PFKFB2: variants seen among roughly 807,000 people sequenced by gnomAD.
PFKFB2 encodes the protein 6-phosphofructo-2-kinase/fructose-2,6-biphosphatase 2.
A neutral mutation model predicts 68.0 loss-of-function variants in PFKFB2; 53 were observed. The ratio of observed to expected loss-of-function variants is 0.78; its 90% confidence interval spans 0.63 to 0.98. PFKFB2 has a LOEUF of 0.98. Ranked by LOEUF, PFKFB2 falls within the 50% of genes least tolerant of loss-of-function variation. The pLI, the probability that PFKFB2 is intolerant of heterozygous loss-of-function variation, is 0.00. For synonymous variants in PFKFB2, 222 were observed against 227.6 expected (o/e 0.98, Z 0.22); for missense variants, 451 against 642.0 (o/e 0.70, Z 3.22).
chr1:207,061,085 CTT>C (rs1479449048), intron 2 of PFKFB2, among the ~76,000 whole-genome samples: 1 of 107,844 alleles, frequency 9.3e-6, no homozygotes, highest in Non-Finnish European at 1.7e-5. Context: ...CTTTATATAT[CTT>C]TATATATATC....
chr1:207,035,867 C>T (rs539804664), intron 1 of PFKFB2, among the ~76,000 whole-genome samples: 2 of 151,956 alleles, frequency 1.3e-5, no homozygotes, highest in African/African-American at 2.4e-5. Flanking sequence ...TGCTAACATG[C>T]GTACTCAGTA....
chr1:207,056,231 T>C (rs1369979319), intron 2 of PFKFB2, among the ~76,000 whole-genome samples: 4 of 152,130 alleles, frequency 2.6e-5, no homozygotes, highest in African/African-American at 9.7e-5. Flanking sequence ...GCCTGTTGTA[T>C]TTATTCCTGA....
chr1:207,050,897 G>A (rs1682729027), upstream of PFKFB2: 2 of 1,607,746 alleles, frequency 1.2e-6, no homozygotes, highest in African/African-American at 1.3e-5. Flanking sequence ...CCGCCACATC[G>A]TGTCGGTCCG....
Position 207,073,864 on chromosome 1 carries a change from A to G in PFKFB2, c.*1493A>G, listed in dbSNP as rs1224537035. The G allele has an allele frequency of 2.0e-6, 2 of 985,250 alleles. No homozygotes were observed. Among genetic ancestry groups the G allele is most frequent in the African/African-American group, 3.5e-5 (2 of 57,236 alleles). 61.0% of individuals were successfully genotyped at this position (985,250 alleles called of 1,614,324 possible). A position where few individuals can be genotyped will look rare whatever the true frequency, so the allele number is the denominator to read the frequency against. ...TCTGAGAGGCAAGTTTAGGGTTCTCATGGGATTTTAAAAAGAGATAGGTGA... is the reference window on the plus strand; with the variant it reads ...TCTGAGAGGCAAGTTTAGGGTTCTCGTGGGATTTTAAAAAGAGATAGGTGA... On this transcript the variant is annotated 3_prime_UTR_variant, in exon 15 of 15. Coordinates refer to ENST00000367080, the MANE Select transcript of PFKFB2 (RefSeq NM_006212.2).
At chr1:207,038,783 T>C (rs1421833945) in intron 1 of PFKFB2, among the ~76,000 whole-genome samples, 1 of 152,196 alleles carries the variant, frequency 6.6e-6, no homozygotes, top group Non-Finnish European at 1.5e-5. Flanking sequence ...TCATCACACT[T>C]ATGAACTACA....
In PFKFB2 at chr1:207,069,502, TATCTGTATCGATA is replaced by T; in HGVS notation, c.1067_1079del (p.Tyr356PhefsTer54). 6.2e-7 allele frequency: 1 copy of T among 1,613,072 alleles called. No homozygotes were observed. Among genetic ancestry groups the T allele is most frequent in the South Asian group, 1.1e-5 (1 of 91,048 alleles). ...GTTTGCACTTCGAGATCAAGAGAAG[TATCTGTATCGATA>T]TCCTGGTGGGGAGGTAAGACGCCCC... is the stretch of plus-strand genomic sequence containing the variant. On this transcript the variant is annotated frameshift_variant, in exon 11 of 15. Transcript: ENST00000367080. LOFTEE classifies it high-confidence loss of function.
At chr1:207,068,068 TAGC>T (rs1296320330) in intron 9 of PFKFB2, 92 bp from the exon 10 acceptor site, 2 of 1,139,744 alleles carry the variant, frequency 1.8e-6, no homozygotes, top group Non-Finnish European at 2.5e-6. Context: ...CAGACCAAGT[TAGC>T]AGGCTTTGTG....
In PFKFB2 at chr1:207,076,873, G is replaced by T; in HGVS notation, c.*4502G>T. On this transcript the variant is annotated 3_prime_UTR_variant, in exon 15 of 15. Coordinates refer to ENST00000367080, the MANE Select transcript of PFKFB2 (RefSeq NM_006212.2). ...CTGACAGTCTGCCTGCTTTCTGATT[G>T]TATCCATTGAAGTGTATGTACATTA... 1.0e-6 allele frequency: 1 copy of T among 985,094 alleles called. No individual in the cohort carries two copies. The highest frequency in any genetic ancestry group is 1.2e-6 in the Non-Finnish European group (1 of 829,684). The allele number at this position is 985,094 out of a possible 1,614,324, so 61.0% of individuals were successfully genotyped here. A position where few individuals can be genotyped will look rare whatever the true frequency, so the allele number is the denominator to read the frequency against.
chr1:207,052,162 T>A, upstream of PFKFB2: 3 of 1,610,318 alleles, frequency 1.9e-6, no homozygotes, highest in Non-Finnish European at 2.5e-6. Flanking sequence ...ATGAAAAGTG[T>A]AGTTCACTTG....
At position 207,069,501 on chromosome 1, in the gene PFKFB2, G is replaced by A; in HGVS notation, c.1065G>A (p.Lys355=). ...PEEFALRDQE[K]YLYRYPGGES... is the part of the protein sequence containing the mutation. ...AGTTTGCACTTCGAGATCAAGAGAAGTATCTGTATCGATATCCTGGTGGGG... is the reference window on the plus strand; with the variant it reads ...AGTTTGCACTTCGAGATCAAGAGAAATATCTGTATCGATATCCTGGTGGGG... The change falls in exon 11 of 15, where the codon AAG becomes AAA. Residue 355 remains lysine (K), a synonymous_variant. Transcript: ENST00000367080. 6.2e-7 allele frequency: 1 copy of A among 1,613,198 alleles called. No homozygotes were observed. Among genetic ancestry groups the A allele is most frequent in the South Asian group, 1.1e-5 (1 of 91,060 alleles).
Position 207,067,518 on chromosome 1 carries a change from G to T in PFKFB2, c.652G>T (p.Val218Leu), listed in dbSNP as rs1683328992. 1 of 1,613,454 alleles carries T rather than the reference G, an allele frequency of 6.2e-7. No homozygotes were observed. The highest frequency in any genetic ancestry group is 1.3e-5 in the African/African-American group (1 of 74,920). Residue 218 changes from valine to leucine, a missense_variant, in exon 9 of 15, where the codon GTG becomes TTG. Val to Leu is a conservative substitution (Grantham distance 32). Coordinates refer to ENST00000367080, the MANE Select transcript of PFKFB2 (RefSeq NM_006212.2). ...TCCCAGGGATCTTTCTTTCATCAAG[G>T]TGATAAACGTGGGCCAGCGATTTTT... ...NYDKDLSFIK[V>L]INVGQRFLVN...
rs1419439299 is a variant in PFKFB2, at chr1:207,072,723, T to G, written c.*352T>G. 2.9e-6 allele frequency: 3 copies of G among 1,036,208 alleles called. No homozygotes were observed. The highest frequency in any genetic ancestry group is 3.5e-6 in the Non-Finnish European group (3 of 863,550). 64.2% of individuals were successfully genotyped at this position (1,036,208 alleles called of 1,614,324 possible). A position where few individuals can be genotyped will look rare whatever the true frequency, so the allele number is the denominator to read the frequency against. ...TCTCTCTGTTCCCTGGTGTCTTCACTAATGTCCTCATGTTGGTGAAGTGTT... is the reference window on the plus strand; with the variant it reads ...TCTCTCTGTTCCCTGGTGTCTTCACGAATGTCCTCATGTTGGTGAAGTGTT... On this transcript the variant is annotated 3_prime_UTR_variant, in exon 15 of 15. Coordinates refer to ENST00000367080, the MANE Select transcript of PFKFB2 (RefSeq NM_006212.2).
chr1:207,038,983 G>A (rs148377657), intron 1 of PFKFB2, among the ~76,000 whole-genome samples: 454 of 152,250 alleles, frequency 3.0e-3, no homozygotes, highest in African/African-American at 0.01. Context: ...AAAGCTCAAT[G>A]AGGATTTGTT....
chr1:207,044,488 A>T (rs1682546885), intron 2 of PFKFB2: 1 of 152,490 alleles, frequency 6.6e-6, no homozygotes, highest in South Asian at 2.1e-4. Flanking sequence ...AGAAATTCTG[A>T]GCCTAAGATG....
chr1:207,037,348 T>C (rs964612230), intron 1 of PFKFB2, among the ~76,000 whole-genome samples: 2 of 152,222 alleles, frequency 1.3e-5, no homozygotes, highest in African/African-American at 2.4e-5. Context: ...AACTAACTTT[T>C]AAATGCTAGT....
In PFKFB2 at chr1:207,074,174, C is replaced by G. The variant is rs956374173; in HGVS notation, c.*1803C>G. The G allele has an allele frequency of 5.1e-6, 5 of 984,872 alleles. No homozygotes were observed. The highest frequency in any genetic ancestry group is 6.0e-6 in the Non-Finnish European group (5 of 829,590). The allele number at this position is 984,872 out of a possible 1,614,324, so 61.0% of individuals were successfully genotyped here. On this transcript the variant is annotated 3_prime_UTR_variant, in exon 15 of 15. Transcript: ENST00000367080. ...TCATAGCTCGGGTTAAGAACTCCAC[C>G]TTAGGAAGTTAGGTGGAAAAATACT...
chr1:207,064,771 C>T (rs950224920), intron 7 of PFKFB2, among the ~76,000 whole-genome samples: 1 of 151,822 alleles, frequency 6.6e-6, no homozygotes, highest in Non-Finnish European at 1.5e-5. Context: ...GATTGGGGCC[C>T]AGGAGCAGCT....
downstream of PFKFB2, chr1:207,079,749 T>C (rs1182397130): frequency 1.3e-5 from 2 of 152,282 alleles, no homozygotes; most frequent in African/African-American, 2.4e-5. Context: ...TGCATCAAGA[T>C]GGGGCTGATG....
In PFKFB2 at chr1:207,072,843, T is replaced by G. The variant is rs1015112802; in HGVS notation, c.*472T>G. 4.8e-5 allele frequency: 48 copies of G among 990,230 alleles called. No homozygotes were observed. Among genetic ancestry groups the G allele is most frequent in the Non-Finnish European group, 1.3e-5 (11 of 833,264 alleles). The allele number at this position is 990,230 out of a possible 1,614,324, so 61.3% of individuals were successfully genotyped here. ...TGTGTGTTTTCCTCACACTCCTTAC[T>G]TGACTGCTTTCTTCCCCCACTTTCA... is the stretch of plus-strand genomic sequence containing the variant. On this transcript the variant is annotated 3_prime_UTR_variant, in exon 15 of 15. Transcript: ENST00000367080.
Sources: gnomAD v4.1 joint callset for allele counts (sites outside exome capture counted in the v4.1 genomes callset) on GRCh38, gnomAD v4.1.1 for gene constraint, MANE v1.5 for transcripts, NCBI Gene and HGNC (gene_info 2026-07-23, HGNC 2026-07-21) for gene names.